Variants in GAK observed in about 807,000 individuals in gnomAD.
GAK encodes cyclin G associated kinase.
In GAK, 79 loss-of-function variants were observed where a neutral mutation model predicts 143.9. That is an observed-to-expected ratio of 0.55 (90% CI 0.46 to 0.66). GAK has a LOEUF of 0.66. Ranked by LOEUF, GAK falls within the 30% of genes least tolerant of loss-of-function variation. The pLI, the probability that GAK is intolerant of heterozygous loss-of-function variation, is 0.00. For synonymous variants in GAK, 881 were observed against 765.5 expected (o/e 1.15, Z -2.49); for missense variants, 1,693 against 1,779.7 (o/e 0.95, Z 0.88).
chr4:913,763 T>C (rs1353809432), intron 1 of GAK, 95 bp from the exon 2 acceptor site: 1 of 1,108,148 alleles, frequency 9.0e-7, no homozygotes, highest in Non-Finnish European at 1.4e-6. Flanking sequence ...ACAAATTGAC[T>C]TGTGGCGTGG....
Position 903,459 on chromosome 4 carries a change from G to T in GAK, c.525+1178C>A, listed in dbSNP as rs369846845. Among the ~76,000 whole-genome samples the T allele has an allele frequency of 1.1e-4, 16 of 152,324 alleles. No individual in the cohort carries two copies. The South Asian group carries it at 1.7e-3, about 16-fold the overall frequency. Reference sequence around the variant, plus strand: ...CTGAGACAGGGCCAGGCAGAGGAGCGCCAGGCTTCCTCCCAGCTCCAAGAG... The same window carrying T: ...CTGAGACAGGGCCAGGCAGAGGAGCTCCAGGCTTCCTCCCAGCTCCAAGAG... On this transcript the variant is annotated intron_variant, in intron 5 of 27. Coordinates refer to ENST00000314167, the MANE Select transcript of GAK (RefSeq NM_005255.4).
Position 911,485 on chromosome 4 carries a change from C to T in GAK, c.382+188G>A, listed in dbSNP as rs141903177. Among the ~76,000 whole-genome samples, 22 of 152,162 alleles carry T rather than the reference C, an allele frequency of 1.4e-4. No homozygotes were observed. In the East Asian group the frequency reaches 4.3e-3, roughly 30 times the overall value. On this transcript the variant is annotated intron_variant, in intron 4 of 27. Transcript: ENST00000314167. ...GGTGGCCCACCGGGACAGTGGGAAGCTCACTGGGCGTCAGCGTGGGCCTCT... is the reference window on the plus strand; with the variant it reads ...GGTGGCCCACCGGGACAGTGGGAAGTTCACTGGGCGTCAGCGTGGGCCTCT...
At chr4:916,395 C>T (rs369729592) in intron 1 of GAK, among the ~76,000 whole-genome samples, 6 of 152,204 alleles carry the variant, frequency 3.9e-5, no homozygotes, top group Admixed American at 3.9e-4. Flanking sequence ...GCTGGGACTA[C>T]AGGCATGCGT....
Position 868,520 on chromosome 4 carries a change from G to A in GAK, c.2395+19C>T, listed in dbSNP as rs946085007. 5.6e-6 allele frequency: 9 copies of A among 1,598,278 alleles called. No individual in the cohort carries two copies. Among genetic ancestry groups the A allele is most frequent in the Non-Finnish European group, 7.6e-6 (9 of 1,177,282 alleles). On this transcript the variant is annotated intron_variant, in intron 20 of 27. Coordinates refer to ENST00000314167, the MANE Select transcript of GAK (RefSeq NM_005255.4). ...GGGCCTGCCCTCTGCAAGTGGCCAG[G>A]TCCAGGGACGCTGCCTACCCTGCCA... is the stretch of plus-strand genomic sequence containing the variant.
chr4:895,321 G>T (rs1450594982), intron 7 of GAK, among the ~76,000 whole-genome samples: 4 of 152,236 alleles, frequency 2.6e-5, no homozygotes, highest in African/African-American at 9.6e-5. Context: ...GATTACTTCG[G>T]CATCAGGATC....
At chr4:896,942 A>C (rs1401521198) in intron 6 of GAK, among the ~76,000 whole-genome samples, 1 of 152,250 alleles carries the variant, frequency 6.6e-6, no homozygotes, top group Non-Finnish European at 1.5e-5. Flanking sequence ...CCAGAACCCC[A>C]GGGTACGTGA....
Position 867,382 on chromosome 4 carries a change from C to T in GAK, c.2446G>A (p.Glu816Lys), listed in dbSNP as rs28640071. ...GAENASSKES[E>K]SALMEDRDES... ...TCTCTGTCCTCCATCAGGGCAGACT[C>T]GCTCTCCTTGGAAGAGGCATTTTCT... is the stretch of plus-strand genomic sequence containing the variant. Residue 816 changes from glutamate (E) to lysine (K), a missense_variant, in exon 21 of 28, where the codon GAG becomes AAG. Physicochemically the swap from Glu to Lys is moderately conservative, Grantham distance 56. Transcript: ENST00000314167. The T allele has an allele frequency of 2.6e-3, 4,167 of 1,573,014 alleles. 88 individuals are homozygous for T. In the African/African-American group the frequency reaches 0.047, roughly 18 times the overall value.
At chr4:927,232 C>A (rs80040373) in intron 1 of GAK, among the ~76,000 whole-genome samples, 1 of 26,794 alleles carries the variant, frequency 3.7e-5, no homozygotes, top group Non-Finnish European at 7.6e-5. Context: ...GCTCACCTGC[C>A]CTCCGCACTG....
chr4:921,746 C>T (rs1033217128), intron 1 of GAK, among the ~76,000 whole-genome samples: 1 of 150,158 alleles, frequency 6.7e-6, no homozygotes, highest in Non-Finnish European at 1.5e-5. Context: ...GTTTAGGGGA[C>T]GAAAGGACAA....
intron 22 of GAK, 30 bp downstream of exon 22, chr4:866,334 A>G (rs1288645120): frequency 1.6e-5 from 25 of 1,607,054 alleles, no homozygotes; most frequent in Non-Finnish European, 2.0e-5. Context: ...GCGGCCATGG[A>G]GAGCTGGCTG....
intron 4 of GAK, among the ~76,000 whole-genome samples, chr4:908,415 C>T (rs1721463357): frequency 2.0e-5 from 3 of 152,192 alleles, no homozygotes; most frequent in African/African-American, 4.8e-5. Flanking sequence ...GCGATCCCAG[C>T]GCCTCAGGAG....
intron 24 of GAK, chr4:853,418 G>A (rs557135455): frequency 2.0e-5 from 3 of 152,368 alleles, no homozygotes; most frequent in Admixed American, 6.5e-5. Context: ...GTTTAGCTTC[G>A]TAGGAAACCG....
intron 26 of GAK, 99 bp downstream of exon 26, chr4:850,837 T>A (rs1748008172): frequency 1.5e-6 from 2 of 1,344,696 alleles, no homozygotes; most frequent in South Asian, 1.4e-5. Flanking sequence ...GGTGAAAGGT[T>A]GCTGTCTGGA....
intron 7 of GAK, among the ~76,000 whole-genome samples, chr4:895,550 G>A (rs1718605736): frequency 6.6e-6 from 1 of 152,252 alleles, no homozygotes; most frequent in Non-Finnish European, 1.5e-5. Flanking sequence ...CCCACGTGCT[G>A]TCTCAGCCTT....
At chr4:915,284 C>T (rs1293616722) in intron 1 of GAK, among the ~76,000 whole-genome samples, 1 of 152,254 alleles carries the variant, frequency 6.6e-6, no homozygotes, top group Non-Finnish European at 1.5e-5. Flanking sequence ...CCTTTCACTT[C>T]CTCTACTCCA....
chr4:913,820 C>A, intron 1 of GAK, 152 bp from the exon 2 acceptor site: 4 of 617,540 alleles, frequency 6.5e-6, no homozygotes, highest in South Asian at 5.2e-5. Flanking sequence ...ACACGCCCCC[C>A]GCAAACACAG....
chr4:867,907 T>C (rs1258944074), intron 20 of GAK, among the ~76,000 whole-genome samples: 1 of 152,240 alleles, frequency 6.6e-6, no homozygotes, highest in Non-Finnish European at 1.5e-5. Context: ...CCTGTGGCTC[T>C]CTCCGCCTGG....
At chr4:888,744 G>A (rs1717047546) in intron 11 of GAK, 103 bp downstream of exon 11, 1 of 1,431,474 alleles carries the variant, frequency 7.0e-7, no homozygotes, top group African/African-American at 1.4e-5. Context: ...GCCCCTGTGG[G>A]GCCTGATGAC....
intron 5 of GAK, among the ~76,000 whole-genome samples, chr4:903,551 C>T (rs2152906184): frequency 6.6e-6 from 1 of 152,234 alleles, no homozygotes; most frequent in South Asian, 2.1e-4. Flanking sequence ...ACTGGGTGAG[C>T]AGGAGTTGGG....
Sources: allele counts gnomAD v4.1 joint callset (sites outside exome capture counted in the v4.1 genomes callset), GRCh38; gene constraint gnomAD v4.1.1; transcripts MANE v1.5; gene names NCBI Gene and HGNC (gene_info 2026-07-23, HGNC 2026-07-21).